RNF182: variants seen among roughly 807,000 people sequenced by gnomAD.
RNF182 encodes E3 ubiquitin-protein ligase RNF182.
RNF182 carries 15 observed loss-of-function variants against 14.4 expected under a neutral mutation model. The ratio of observed to expected loss-of-function variants is 1.04; its 90% CI spans 0.70 to 1.60. RNF182 has a LOEUF of 1.60. Among genes scored for constraint, RNF182 ranks in the 40% most tolerant of loss-of-function variants. RNF182 has a pLI of 0.00. For missense variants in RNF182, 268 were observed against 294.8 expected (o/e 0.91, Z 0.67); for synonymous variants, 128 against 122.9 (o/e 1.04, Z -0.27).
At chr6:13,947,241 T>C (rs1211769032) in intron 1 of RNF182, among the ~76,000 whole-genome samples, 1 of 152,136 alleles carries the variant, frequency 6.6e-6, no homozygotes, top group Non-Finnish European at 1.5e-5. Context: ...ATAAGCAGGG[T>C]CAGTCTAAAT....
At chr6:13,951,813 TC>T (rs1312351643) in intron 1 of RNF182, among the ~76,000 whole-genome samples, 2 of 151,716 alleles carry the variant, frequency 1.3e-5, no homozygotes, top group Non-Finnish European at 2.9e-5. Context: ...AGGCAAAGAC[TC>T]TCAGTTTTGC....
rs1758777044 is a variant in RNF182, at chr6:13,924,999, CG to C, written c.-388del. 1.8e-4 allele frequency: 1 copy of C among 5,530 alleles called. No homozygotes were observed. The highest frequency in any genetic ancestry group is 4.1e-4 in the Non-Finnish European group (1 of 2,438). 0.3% of individuals were successfully genotyped at this position (5,530 alleles called of 1,614,324 possible). ...GCGCCGCCGCAGCCGGAGCGGCTCC[CG>C]GGCCCTGGGCCGCCGCCGGCCAGGT... On this transcript the variant is annotated 5_prime_UTR_variant, in exon 1 of 3. Transcript: ENST00000488300.
intron 1 of RNF182, among the ~76,000 whole-genome samples, chr6:13,928,534 T>C (rs1187586446): frequency 1.3e-5 from 2 of 152,236 alleles, no homozygotes; most frequent in Non-Finnish European, 2.9e-5. Context: ...AAGTTTTATA[T>C]TTCCAGAGCT....
intron 1 of RNF182, among the ~76,000 whole-genome samples, chr6:13,947,750 A>G (rs528292219): frequency 5.9e-5 from 9 of 152,144 alleles, no homozygotes; most frequent in Non-Finnish European, 8.8e-5. Flanking sequence ...AGGGGCTTTA[A>G]TTGGCTCTAT....
At chr6:13,936,383 AG>A (rs1221255875) in intron 1 of RNF182, among the ~76,000 whole-genome samples, 1 of 152,262 alleles carries the variant, frequency 6.6e-6, no homozygotes, top group Non-Finnish European at 1.5e-5. Context: ...AGAAGCTTAA[AG>A]CATTTTAGAA....
At chr6:13,931,827 T>G (rs1406639577) in intron 1 of RNF182, among the ~76,000 whole-genome samples, 1 of 152,044 alleles carries the variant, frequency 6.6e-6, no homozygotes. Context: ...TATGTTGAAA[T>G]TCTAACTCCC....
chr6:13,940,563 T>G (rs1759268082), intron 1 of RNF182, among the ~76,000 whole-genome samples: 1 of 152,140 alleles, frequency 6.6e-6, no homozygotes, highest in Admixed American at 6.5e-5. Flanking sequence ...GAACTTATTT[T>G]GACTTTTTTT....
intron 1 of RNF182, among the ~76,000 whole-genome samples, chr6:13,973,438 T>C (rs1164472433): frequency 6.6e-6 from 1 of 152,078 alleles, no homozygotes; most frequent in Non-Finnish European, 1.5e-5. Context: ...ATAATATGGT[T>C]TGGCTGTGTG....
At chr6:13,957,472 G>A (rs1279559923) in intron 1 of RNF182, among the ~76,000 whole-genome samples, 1 of 152,088 alleles carries the variant, frequency 6.6e-6, no homozygotes, top group Non-Finnish European at 1.5e-5. Flanking sequence ...AAACCTTTTT[G>A]CCCATTATTA....
At position 13,974,264 on chromosome 6, in the gene RNF182, G is replaced by A. The variant is rs1362717309; in HGVS notation, c.-312G>A. 6.6e-6 allele frequency: 1 copy of A among 152,142 alleles called. No homozygotes were observed. The allele number at this position is 152,142 out of a possible 1,614,324, so 9.4% of individuals were successfully genotyped here. A position where few individuals can be genotyped will look rare whatever the true frequency, so the allele number is the denominator to read the frequency against. On this transcript the variant is annotated 5_prime_UTR_variant, in exon 2 of 3. Coordinates refer to ENST00000488300, the MANE Select transcript of RNF182 (RefSeq NM_152737.4). ...AGGGATGCTACCAGAGCTCAAGGCT[G>A]TCACCTGGTCTTGCCCAGAAGAGCC...
chr6:13,931,049 G>A (rs1407563927), intron 1 of RNF182, among the ~76,000 whole-genome samples: 1 of 152,086 alleles, frequency 6.6e-6, no homozygotes, highest in Non-Finnish European at 1.5e-5. Flanking sequence ...ATTCAGAGTG[G>A]CAGGTATGGC....
At chr6:13,953,277 G>T (rs1759641329) in intron 1 of RNF182, among the ~76,000 whole-genome samples, 1 of 152,206 alleles carries the variant, frequency 6.6e-6, no homozygotes, top group East Asian at 1.9e-4. Context: ...AGATTCCTTG[G>T]TGTGGAAACT....
At chr6:13,940,598 T>A (rs1008500273) in intron 1 of RNF182, among the ~76,000 whole-genome samples, 2 of 152,170 alleles carry the variant, frequency 1.3e-5, no homozygotes, top group Non-Finnish European at 2.9e-5. Context: ...TATTTTCTAA[T>A]TTATTCATTT....
chr6:13,966,565 C>A (rs572372002), intron 1 of RNF182, among the ~76,000 whole-genome samples: 3 of 152,172 alleles, frequency 2.0e-5, no homozygotes, highest in African/African-American at 7.2e-5. Context: ...GAGTTTGAGA[C>A]CAGCCTGGGC....
At chr6:13,941,558 A>G (rs530492281) in intron 1 of RNF182, among the ~76,000 whole-genome samples, 1 of 151,986 alleles carries the variant, frequency 6.6e-6, no homozygotes, top group South Asian at 2.1e-4. Flanking sequence ...TTGGGTTTAA[A>G]CTTCCCATTG....
At chr6:13,970,913 T>C (rs1313850838) in intron 1 of RNF182, among the ~76,000 whole-genome samples, 1 of 152,206 alleles carries the variant, frequency 6.6e-6, no homozygotes, top group Non-Finnish European at 1.5e-5. Context: ...TCCCTTTCTT[T>C]CCTTTTTCGT....
chr6:13,951,719 G>C (rs189333744), intron 1 of RNF182, among the ~76,000 whole-genome samples: 8 of 152,286 alleles, frequency 5.3e-5, no homozygotes, highest in African/African-American at 1.9e-4. Flanking sequence ...GAGTGGCTCT[G>C]ATAGTCTTGC....
intron 1 of RNF182, among the ~76,000 whole-genome samples, chr6:13,935,366 G>A (rs970597701): frequency 3.3e-5 from 5 of 151,614 alleles, no homozygotes; most frequent in African/African-American, 9.7e-5. Flanking sequence ...TGTAGTCCCC[G>A]TATGTTGACT....
chr6:13,962,576 A>G (rs1759909836), intron 1 of RNF182, among the ~76,000 whole-genome samples: 2 of 152,256 alleles, frequency 1.3e-5, no homozygotes, highest in African/African-American at 2.4e-5. Context: ...AGCACCATTT[A>G]TAAAAACAGA....
Sources: allele counts gnomAD v4.1 joint callset (sites outside exome capture counted in the v4.1 genomes callset), GRCh38; gene constraint gnomAD v4.1.1; transcripts MANE v1.5; gene names NCBI Gene and HGNC (gene_info 2026-07-23, HGNC 2026-07-21).